Variants in SUZ12 observed in about 807,000 individuals in gnomAD.
SUZ12 encodes SUZ12 polycomb repressive complex 2 subunit.
In SUZ12, 17 loss-of-function variants were observed where a neutral mutation model predicts 87.3. The observed-to-expected ratio is 0.19, with a 90% confidence interval of 0.13 to 0.29. The LOEUF (loss-of-function observed/expected upper bound fraction) is 0.29, where lower values mean the gene tolerates loss of function less well. Among genes scored for constraint, SUZ12 ranks in the 10% least tolerant of loss-of-function variants. The probability of loss-of-function intolerance (pLI) is 1.00; values close to 1 mark genes in which losing one functional copy is unlikely to be tolerated. For missense variants in SUZ12, 526 were observed against 912.2 expected, an observed-to-expected ratio of 0.58 and a Z score of 5.45; for synonymous variants, 253 against 312.4, an observed-to-expected ratio of 0.81 and a Z score of 2.01.
chr17:31,967,754 TAC>T (rs1908185348), intron 5 of SUZ12, among the ~76,000 whole-genome samples: 1 of 152,070 alleles, frequency 6.6e-6, no homozygotes, highest in Non-Finnish European at 1.5e-5. Flanking sequence ...TAGTTCTAGG[TAC>T]TTGGAAGTCC....
In SUZ12 at chr17:31,937,350, C is replaced by T. The variant is rs1285528720; in HGVS notation, c.104C>T (p.Thr35Met). Residue 35 changes from threonine to methionine, a missense_variant, in exon 1 of 16, where the codon ACG becomes ATG. Thr to Met is a moderately conservative substitution (Grantham distance 81). Around this residue, in one of 9 missense-constraint regions of SUZ12, gnomAD observed 92 missense variants for 109.9 expected, o/e 0.84. Transcript: ENST00000322652. ...GGTTCGGCGGCGGTGGCGGCGGCGA[C>T]GGCTTCGGGCGGCAAATCCGGCGGC... ...FGGSAAVAAA[T>M]ASGGKSGGGS... 2 of 1,486,664 alleles carry T rather than the reference C, an allele frequency of 1.3e-6. No individual in the cohort carries two copies. Among genetic ancestry groups the T allele is most frequent in the Non-Finnish European group, 1.8e-6 (2 of 1,122,572 alleles). The allele number at this position is 1,486,664 out of a possible 1,614,324, so 92.1% of individuals were successfully genotyped here.
chr17:31,968,222 T>TA (rs1209103715), intron 5 of SUZ12, among the ~76,000 whole-genome samples: 1 of 152,116 alleles, frequency 6.6e-6, no homozygotes, highest in Admixed American at 6.6e-5. Flanking sequence ...AATGCTCTAA[T>TA]ATAACCATTT....
intron 8 of SUZ12, among the ~76,000 whole-genome samples, chr17:31,980,011 TAGAGAGAGAGAGAG>T (rs55882925): frequency 1.1e-4 from 16 of 146,046 alleles, no homozygotes; most frequent in East Asian, 4.0e-4. Flanking sequence ...TATATATGTA[TAGAGAGAGAGAGAG>T]AGAGAGAGAG....
chr17:31,995,770 T>C lies in SUZ12; in HGVS notation c.1794+8T>C. 6.4e-7 allele frequency: 1 copy of C among 1,565,146 alleles called. No individual in the cohort carries two copies. Among genetic ancestry groups the C allele is most frequent in the Non-Finnish European group, 8.8e-7 (1 of 1,141,632 alleles). ...AGAGAAAAAACCATTACAGTAATTA[T>C]TATTATCTTTATTGGCAATTATCTT... On this transcript the variant is annotated splice_region_variant and intron_variant, in intron 14 of 15. Coordinates refer to ENST00000322652, the MANE Select transcript of SUZ12 (RefSeq NM_015355.4).
At chr17:31,970,884 A>G (rs959745934) in intron 5 of SUZ12, among the ~76,000 whole-genome samples, 5 of 152,164 alleles carry the variant, frequency 3.3e-5, no homozygotes, top group Admixed American at 6.6e-5. Flanking sequence ...GGATTCATCT[A>G]TTATAATAGT....
chr17:31,937,556 C>T (rs1225436515), intron 1 of SUZ12, 36 bp downstream of exon 1: 14 of 1,529,384 alleles, frequency 9.2e-6, no homozygotes, highest in Admixed American at 2.0e-5. Context: ...CAGGAAGACC[C>T]ACTCTGCCAA....
At chr17:31,977,803 C>T (rs555635525) in intron 8 of SUZ12, among the ~76,000 whole-genome samples, 17 of 152,100 alleles carry the variant, frequency 1.1e-4, no homozygotes, top group South Asian at 2.1e-4. Flanking sequence ...GCAGGGGAAT[C>T]GCTTGAACCT....
chr17:31,941,209 C>T (rs775127948), intron 3 of SUZ12, among the ~76,000 whole-genome samples: 9 of 150,644 alleles, frequency 6.0e-5, no homozygotes, highest in Non-Finnish European at 1.2e-4. Context: ...TCATGCCATT[C>T]TCCTGCCTCA....
intron 4 of SUZ12, among the ~76,000 whole-genome samples, chr17:31,963,318 A>G (rs1463884127): frequency 1.3e-5 from 2 of 149,688 alleles, no homozygotes; most frequent in African/African-American, 4.9e-5. Flanking sequence ...CTAATTTTGT[A>G]TTTTTAGTAG....
rs956803804 is a variant in SUZ12, at chr17:31,996,936, T to C, written c.1874+59T>C. 3 of 1,068,852 alleles carry C rather than the reference T, an allele frequency of 2.8e-6. No individual in the cohort carries two copies. In the African/African-American group the frequency reaches 5.0e-5, roughly 18 times the overall value. The allele number at this position is 1,068,852 out of a possible 1,614,324, so 66.2% of individuals were successfully genotyped here. On this transcript the variant is annotated intron_variant, in intron 15 of 15. Coordinates refer to ENST00000322652, the MANE Select transcript of SUZ12 (RefSeq NM_015355.4). Reference sequence around the variant, plus strand: ...TTATTCTTTATGGTCTTTTGCTGTTTCACATTCTAGAAATCTTACGTGTGT... The same window carrying C: ...TTATTCTTTATGGTCTTTTGCTGTTCCACATTCTAGAAATCTTACGTGTGT...
chr17:31,976,579 A>G lies in SUZ12; in HGVS notation c.882A>G (p.Thr294=). 1 of 1,613,350 alleles carries G rather than the reference A, an allele frequency of 6.2e-7. No homozygotes were observed. The highest frequency in any genetic ancestry group is 8.5e-7 in the Non-Finnish European group (1 of 1,179,494). ...RKRNREDGEK[T]FVAQMTVFDK... ...GAAATCGTGAGGATGGGGAAAAGAC[A>G]TTTGTTGCACAAATGACAGTATTTG... The change falls in exon 8 of 16, where the codon ACA becomes ACG. Residue 294 remains threonine, a synonymous_variant. Transcript: ENST00000322652.
At chr17:31,955,563 A>G (rs540619980) in intron 4 of SUZ12, among the ~76,000 whole-genome samples, 38 of 152,200 alleles carry the variant, frequency 2.5e-4, no homozygotes, top group Admixed American at 1.6e-3. Flanking sequence ...CCTGACCAAC[A>G]TGGTAAAAAC....
chr17:31,988,021 T>G (rs977327104), intron 9 of SUZ12, among the ~76,000 whole-genome samples: 1 of 152,190 alleles, frequency 6.6e-6, no homozygotes, highest in Non-Finnish European at 1.5e-5. Context: ...TTCTGACCTA[T>G]TTGGAAAAAT....
intron 4 of SUZ12, among the ~76,000 whole-genome samples, chr17:31,963,207 CA>C (rs1907846868): frequency 6.6e-6 from 1 of 152,152 alleles, no homozygotes; most frequent in South Asian, 2.1e-4. Context: ...TGCAGTGGCA[CA>C]ATCTTGGCTC....
intron 13 of SUZ12, among the ~76,000 whole-genome samples, 192 bp downstream of exon 13, chr17:31,994,913 T>C (rs8079165): frequency 0.047 from 7,129 of 152,268 alleles, 539 homozygotes; most frequent in African/African-American, 0.16. Flanking sequence ...TTTCTCACTT[T>C]TCCTTTGAAC....
intron 3 of SUZ12, among the ~76,000 whole-genome samples, chr17:31,943,792 C>A (rs1267912221): frequency 6.6e-6 from 1 of 152,088 alleles, no homozygotes; most frequent in Non-Finnish European, 1.5e-5. Flanking sequence ...TCTTCGCCTC[C>A]CAAGTTCAAG....
At chr17:31,992,702 G>T (rs570142350) in intron 10 of SUZ12, among the ~76,000 whole-genome samples, 5 of 151,838 alleles carry the variant, frequency 3.3e-5, no homozygotes, top group Non-Finnish European at 7.4e-5. Context: ...GAGCCACCGC[G>T]CCCGGCCCTG....
At chr17:31,946,873 T>A (rs1906670313) in intron 3 of SUZ12, among the ~76,000 whole-genome samples, 1 of 152,210 alleles carries the variant, frequency 6.6e-6, no homozygotes, top group African/African-American at 2.4e-5. Context: ...AATAGCTTTT[T>A]TCTCTTAAAC....
At chr17:31,951,482 CTTTT>C (rs1038403579) in intron 4 of SUZ12, among the ~76,000 whole-genome samples, 3 of 133,276 alleles carry the variant, frequency 2.3e-5, no homozygotes, top group Non-Finnish European at 1.6e-5. Context: ...GTGGTTAGTT[CTTTT>C]TTTTTTTTTT....
Sources: allele counts gnomAD v4.1 joint callset (sites outside exome capture counted in the v4.1 genomes callset), GRCh38; gene constraint gnomAD v4.1.1; regional missense constraint gnomAD v4.1.1; transcripts MANE v1.5; gene names NCBI Gene and HGNC (gene_info 2026-07-23, HGNC 2026-07-21).